The following MAT1A variants were observed in gnomAD, a reference collection of about 807,000 sequenced individuals.
MAT1A encodes S-adenosylmethionine synthase isoform type-1.
Under a neutral mutation model 44.0 loss-of-function variants are expected in MAT1A, and 19 were observed. The observed-to-expected ratio is 0.43, with a 90% CI of 0.30 to 0.63. The LOEUF is 0.63. Ranked by LOEUF, MAT1A falls within the 30% of genes least tolerant of loss-of-function variation. MAT1A has a pLI of 0.12. For missense variants in MAT1A, 397 were observed against 531.0 expected (o/e 0.75, Z 2.48); for synonymous variants, 205 against 205.6 (o/e 1.00, Z 0.03).
At chr10:80,285,686 T>C (rs1403110001) in intron 1 of MAT1A, 97 bp from the exon 2 acceptor site, 13 of 806,610 alleles carry the variant, frequency 1.6e-5, no homozygotes, top group Admixed American at 1.6e-4. Context: ...AGTTTACATA[T>C]CAACTTATCT....
At chr10:80,281,344 G>A (rs1215623350) in intron 3 of MAT1A, among the ~76,000 whole-genome samples, 1 of 152,178 alleles carries the variant, frequency 6.6e-6, no homozygotes, top group Non-Finnish European at 1.5e-5. Context: ...GACCCTGAGA[G>A]GTACACAGAG....
In MAT1A at chr10:80,275,256, G is replaced by T. The variant is rs544363906; in HGVS notation, c.769-57C>A. 3.8e-5 allele frequency: 56 copies of T among 1,472,466 alleles called. 1 individual carries two copies. In the East Asian group the frequency reaches 1.2e-3, roughly 32 times the overall value. The allele number at this position is 1,472,466 out of a possible 1,614,324, so 91.2% of individuals were successfully genotyped here. ...AGAGCCAGCCCCTAGATGCTGGAGG[G>T]GGCTGAAGTACTGTGATGGCAGCTG... On this transcript the variant is annotated intron_variant, in intron 6 of 8. Transcript: ENST00000372213.
In MAT1A at chr10:80,285,499, G is replaced by C; in HGVS notation, c.169+13C>G. On this transcript the variant is annotated intron_variant, in intron 2 of 8. Coordinates refer to ENST00000372213, the MANE Select transcript of MAT1A (RefSeq NM_000429.3). ...CTTAGGTCTCCAGCAGGGAGGGATC[G>C]GGTGTTTCTTACCACAGGCCACCTT... 6.2e-7 allele frequency: 1 copy of C among 1,611,826 alleles called. No homozygotes were observed. Among genetic ancestry groups the C allele is most frequent in the Non-Finnish European group, 8.5e-7 (1 of 1,177,970 alleles).
chr10:80,273,631 G>A lies in MAT1A; in HGVS notation c.*150C>T, dbSNP rs1282844402. ...GAAGCCCCTGCCTCCAGCTGGCCATGATGATGACAGGACAGGCTAAATGAG... is the reference window on the plus strand; with the variant it reads ...GAAGCCCCTGCCTCCAGCTGGCCATAATGATGACAGGACAGGCTAAATGAG... On this transcript the variant is annotated 3_prime_UTR_variant, in exon 9 of 9. Coordinates refer to ENST00000372213, the MANE Select transcript of MAT1A (RefSeq NM_000429.3). The A allele has an allele frequency of 2.8e-6, 2 of 724,516 alleles. No homozygotes were observed. Among genetic ancestry groups the A allele is most frequent in the African/African-American group, 3.5e-5 (2 of 57,394 alleles). 44.9% of individuals were successfully genotyped at this position (724,516 alleles called of 1,614,324 possible). A position where few individuals can be genotyped will look rare whatever the true frequency, so the allele number is the denominator to read the frequency against.
chr10:80,289,373 G>C lies in MAT1A; in HGVS notation c.51C>G (p.Val17=), dbSNP rs1184294324. Residue 17 remains valine, a synonymous_variant, in exon 1 of 9, where the codon GTC becomes GTG. Transcript: ENST00000372213. ...CCACAGACTCCGATGTGAACATGAAGACTCCTTCACTTAGAGAGTGGTCAC... is the reference window on the plus strand; with the variant it reads ...CCACAGACTCCGATGTGAACATGAACACTCCTTCACTTAGAGAGTGGTCAC... ...GLCDHSLSEG[V]FMFTSESVGE... The C allele has an allele frequency of 6.2e-7, 1 of 1,614,156 alleles. No individual in the cohort carries two copies. Among genetic ancestry groups the C allele is most frequent in the Non-Finnish European group, 8.5e-7 (1 of 1,180,038 alleles).
chr10:80,280,621 T>C, intron 4 of MAT1A, 59 bp downstream of exon 4: 1 of 1,440,700 alleles, frequency 6.9e-7, no homozygotes, highest in Middle Eastern at 1.7e-4. Context: ...ATTAACCCAC[T>C]GCTCATGAAC....
chr10:80,277,016 G>T lies in MAT1A; in HGVS notation c.550-422C>A, dbSNP rs193252222. 9.0e-3 allele frequency among the ~76,000 whole-genome samples: 1,377 copies of T among 152,330 alleles called. 16 individuals are homozygous for T. The highest frequency in any genetic ancestry group is 0.031 in the Middle Eastern group (9 of 294). On this transcript the variant is annotated intron_variant, in intron 5 of 8. Transcript: ENST00000372213. ...GATAAGAAAGCCAAGGATCCAAAATGTAAATGTCTTGGTCAAGATCACACA... is the reference window on the plus strand; with the variant it reads ...GATAAGAAAGCCAAGGATCCAAAATTTAAATGTCTTGGTCAAGATCACACA...
At chr10:80,274,943 A>G in intron 7 of MAT1A, 74 bp downstream of exon 7, 1 of 1,505,764 alleles carries the variant, frequency 6.6e-7, no homozygotes, top group Non-Finnish European at 9.0e-7. Flanking sequence ...CCGGGCCAAC[A>G]TCCCCTCACT....
intron 7 of MAT1A, 50 bp from the exon 8 acceptor site, chr10:80,274,703 C>T: frequency 1.2e-6 from 2 of 1,612,476 alleles, no homozygotes; most frequent in South Asian, 1.1e-5. Flanking sequence ...GTGGGCCCTG[C>T]CCCTTTCAGA....
At position 80,275,178 on chromosome 10, in the gene MAT1A, G is replaced by A. The variant is rs118204005; in HGVS notation, c.790C>T (p.Arg264Cys). 6.8e-6 allele frequency: 11 copies of A among 1,613,316 alleles called. No individual in the cohort carries two copies. The highest frequency in any genetic ancestry group is 1.7e-4 in the Middle Eastern group (1 of 6,054). ...CCATAGGTGTCCACAATAATCTTACGGCCAGTGACACCCGCATCCCCCTGC... is the reference window on the plus strand; with the variant it reads ...CCATAGGTGTCCACAATAATCTTACAGCCAGTGACACCCGCATCCCCCTGC... The part of the protein sequence containing the change: ...GPQGDAGVTG[R>C]KIIVDTYGGW... Residue 264 changes from arginine to cysteine, a missense_variant, in exon 7 of 9, where the codon CGT becomes TGT. Transcript: ENST00000372213.
chr10:80,283,318 C>A (rs929669266), intron 3 of MAT1A, among the ~76,000 whole-genome samples: 4 of 152,242 alleles, frequency 2.6e-5, no homozygotes, highest in Non-Finnish European at 5.9e-5. Flanking sequence ...GGGCCTGTGC[C>A]CCTTCCCTGG....
intron 7 of MAT1A, 82 bp from the exon 8 acceptor site, chr10:80,274,735 G>A (rs1265770248): frequency 2.6e-6 from 4 of 1,563,572 alleles, no homozygotes; most frequent in Admixed American, 3.5e-5. Context: ...TCTTCTGAAG[G>A]GACCAGCGGG....
chr10:80,272,120 C>T lies in MAT1A; in HGVS notation c.*1661G>A, dbSNP rs1285105177. On this transcript the variant is annotated 3_prime_UTR_variant, in exon 9 of 9. Coordinates refer to ENST00000372213, the MANE Select transcript of MAT1A (RefSeq NM_000429.3). ...AAATGAAAGCCAGGGTCTTTGTGCTCCAGGCCAAGGCCCAGATGCTGGCTG... is the reference window on the plus strand; with the variant it reads ...AAATGAAAGCCAGGGTCTTTGTGCTTCAGGCCAAGGCCCAGATGCTGGCTG... The T allele has an allele frequency of 1.3e-5, 2 of 152,188 alleles. No individual in the cohort carries two copies. The highest frequency in any genetic ancestry group is 2.9e-5 in the Non-Finnish European group (2 of 68,060). The allele number at this position is 152,188 out of a possible 1,614,324, so 9.4% of individuals were successfully genotyped here.
chr10:80,278,851 G>A (rs1416293735), intron 5 of MAT1A, among the ~76,000 whole-genome samples: 3 of 152,240 alleles, frequency 2.0e-5, no homozygotes, highest in Non-Finnish European at 4.4e-5. Flanking sequence ...GAAGGCGCTG[G>A]CGCTGTCTGC....
intron 2 of MAT1A, among the ~76,000 whole-genome samples, chr10:80,284,343 A>G (rs1265913039): frequency 6.6e-6 from 1 of 152,144 alleles, no homozygotes; most frequent in African/African-American, 2.4e-5. Context: ...TGCTATGTGG[A>G]TTAAAGGGAG....
intron 3 of MAT1A, among the ~76,000 whole-genome samples, chr10:80,282,979 C>T (rs531342026): frequency 8.9e-4 from 136 of 152,256 alleles, no homozygotes; most frequent in African/African-American, 3.2e-3. Flanking sequence ...GTCTTTTTGC[C>T]ATGGCGTGAG....
chr10:80,273,871 C>T lies in MAT1A; in HGVS notation c.1098G>A (p.Leu366=), dbSNP rs767838324. ...RPGVIVRDLD[L]KKPIYQKTAC... ...CTGTCTTCTGGTAGATGGGCTTCTTCAAGTCCAAATCCCTGCATGTCCAGC... is the reference window on the plus strand; with the variant it reads ...CTGTCTTCTGGTAGATGGGCTTCTTTAAGTCCAAATCCCTGCATGTCCAGC... Residue 366 remains leucine (L), a synonymous_variant, in exon 9 of 9, where the codon TTG becomes TTA. Transcript: ENST00000372213. 6.2e-7 allele frequency: 1 copy of T among 1,610,120 alleles called. No individual in the cohort carries two copies. Among genetic ancestry groups the T allele is most frequent in the Non-Finnish European group, 8.5e-7 (1 of 1,176,454 alleles).
rs375890664 is a variant in MAT1A at position 80,284,058 on chromosome 10, G to A, written c.170-20C>T. 2.7e-5 allele frequency: 43 copies of A among 1,613,178 alleles called. No homozygotes were observed. The East Asian group carries it at 4.2e-4, about 16-fold the overall frequency. On this transcript the variant is annotated intron_variant, in intron 2 of 8. Coordinates refer to ENST00000372213, the MANE Select transcript of MAT1A (RefSeq NM_000429.3). Reference sequence around the variant, plus strand: ...CTGTCTCTGAAAGGGAGCGGGGAGCGAGGAGAGTTAGCAGCCAAGTGCCAG... The same window carrying A: ...CTGTCTCTGAAAGGGAGCGGGGAGCAAGGAGAGTTAGCAGCCAAGTGCCAG...
intron 5 of MAT1A, among the ~76,000 whole-genome samples, chr10:80,278,281 C>T (rs968930724): frequency 6.6e-6 from 1 of 152,072 alleles, no homozygotes; most frequent in Non-Finnish European, 1.5e-5. Flanking sequence ...CTTGCTGACC[C>T]CTAAACCTAG....
Sources: gnomAD v4.1 joint callset for allele counts (sites outside exome capture counted in the v4.1 genomes callset) on GRCh38, gnomAD v4.1.1 for gene constraint, MANE v1.5 for transcripts, NCBI Gene and HGNC (gene_info 2026-07-23, HGNC 2026-07-21) for gene names.